CEACAM6: variants seen among roughly 807,000 people sequenced by gnomAD.
CEACAM6 encodes the protein cell adhesion molecule CEACAM6.
A neutral mutation model predicts 32.4 loss-of-function variants in CEACAM6; 21 were observed. The observed-to-expected ratio is 0.65, with a 90% CI of 0.46 to 0.93. The LOEUF (loss-of-function observed/expected upper bound fraction) is 0.93, where lower values mean the gene tolerates loss of function less well. CEACAM6 is among the 40% of genes least tolerant of loss of function. The pLI is 0.00. For synonymous variants in CEACAM6, 184 were observed against 174.4 expected (o/e 1.06, Z -0.43); for missense variants, 406 against 432.2 (o/e 0.94, Z 0.54).
chr19:41,756,644 A>G lies in CEACAM6; in HGVS notation c.109A>G (p.Thr37Ala). The G allele has an allele frequency of 1.2e-6, 2 of 1,613,834 alleles. No homozygotes were observed. The highest frequency in any genetic ancestry group is 4.5e-5 in the East Asian group (2 of 44,872). Reference protein sequence around the residue: ...FWNPPTTAKLTIESTPFNVAE... With the variant: ...FWNPPTTAKLAIESTPFNVAE... The stretch of plus-strand genomic sequence containing the variant: ...GAACCCACCCACCACTGCCAAGCTC[A>G]CTATTGAATCCACGCCGTTCAATGT... Residue 37 changes from threonine (T) to alanine (A), a missense_variant, in exon 2 of 6, where the codon ACT becomes GCT. By Grantham distance (58) the Thr-to-Ala change is moderately conservative (BLOSUM62 0). Coordinates refer to ENST00000199764, the MANE Select transcript of CEACAM6 (RefSeq NM_002483.7).
At chr19:41,768,246 G>A (rs2072968091) in intron 5 of CEACAM6, among the ~76,000 whole-genome samples, 1 of 152,180 alleles carries the variant, frequency 6.6e-6, no homozygotes, top group Non-Finnish European at 1.5e-5. Flanking sequence ...GGACCCTGCG[G>A]CCTTCCGCAG....
intron 4 of CEACAM6, among the ~76,000 whole-genome samples, chr19:41,765,913 T>C (rs2072952834): frequency 6.6e-6 from 1 of 152,190 alleles, no homozygotes; most frequent in South Asian, 2.1e-4. Flanking sequence ...TATAGAAAGT[T>C]CTAATGACAT....
Position 41,757,002 on chromosome 19 carries a change from TACTTCCC to T in CEACAM6, c.424+46_424+52del, listed in dbSNP as rs782595838. 5.8e-6 allele frequency: 9 copies of T among 1,562,498 alleles called. No homozygotes were observed. In the South Asian group the frequency reaches 9.8e-5, roughly 17 times the overall value. On this transcript the variant is annotated intron_variant, in intron 2 of 5. Transcript: ENST00000199764. Reference sequence around the variant, plus strand: ...ACCTCTGGGTGTTGGGGGTCAGTTCTACTTCCCACATACGGGATTGTCAGGCCTGGGT... The same window carrying T: ...ACCTCTGGGTGTTGGGGGTCAGTTCTACATACGGGATTGTCAGGCCTGGGT...
rs1210223569 is a variant in CEACAM6, at chr19:41,771,421, G to T, written c.*660G>T. ...TGCTCCCTACCAGCTGAACAGGGAG[G>T]AGTCTGTGCAGTTTCTGACACTTGT... On this transcript the variant is annotated 3_prime_UTR_variant, in exon 6 of 6. Transcript: ENST00000199764. 1 of 152,188 alleles carries T rather than the reference G, an allele frequency of 6.6e-6. No individual in the cohort carries two copies. Among genetic ancestry groups the T allele is most frequent in the African/African-American group, 2.4e-5 (1 of 41,434 alleles). The allele number at this position is 152,188 out of a possible 1,614,324, so 9.4% of individuals were successfully genotyped here.
At chr19:41,766,984 C>T (rs1555822451) in intron 5 of CEACAM6, among the ~76,000 whole-genome samples, 4 of 130,920 alleles carry the variant, frequency 3.1e-5, no homozygotes, top group South Asian at 2.4e-4. Context: ...CCAGCCTGGG[C>T]GACAGTGCAA....
intron 2 of CEACAM6, among the ~76,000 whole-genome samples, chr19:41,758,683 C>G (rs2072904299): frequency 6.6e-6 from 1 of 152,120 alleles, no homozygotes; most frequent in African/African-American, 2.4e-5. Flanking sequence ...CTCTCTGTCC[C>G]TCATTTTCCT....
At chr19:41,759,206 A>G (rs1460553803) in intron 2 of CEACAM6, among the ~76,000 whole-genome samples, 1 of 152,136 alleles carries the variant, frequency 6.6e-6, no homozygotes, top group Non-Finnish European at 1.5e-5. Flanking sequence ...CCCATTCCAC[A>G]TACACTACTG....
chr19:41,765,740 T>G (rs2072951872), intron 4 of CEACAM6, among the ~76,000 whole-genome samples: 1 of 152,194 alleles, frequency 6.6e-6, no homozygotes, highest in African/African-American at 2.4e-5. Context: ...TTTCCCCTGG[T>G]GGGAGCCCAT....
At chr19:41,761,878 G>A in intron 3 of CEACAM6, 91 bp from the exon 4 acceptor site, 1 of 1,490,952 alleles carries the variant, frequency 6.7e-7, no homozygotes, top group Non-Finnish European at 9.2e-7. Flanking sequence ...GTTGTGACAT[G>A]GCTCAGGGGG....
In CEACAM6 at chr19:41,756,960, G is replaced by T; in HGVS notation, c.424+1G>T. 1.3e-6 allele frequency: 2 copies of T among 1,595,722 alleles called. No homozygotes were observed. Among genetic ancestry groups the T allele is most frequent in the Non-Finnish European group, 1.7e-6 (2 of 1,169,196 alleles). On this transcript the variant is annotated splice_donor_variant, in intron 2 of 5. Coordinates refer to ENST00000199764, the MANE Select transcript of CEACAM6 (RefSeq NM_002483.7). LOFTEE classifies it high-confidence loss of function. Reference sequence around the variant, plus strand: ...GCAACCGGACAGTTCCATGTATACCGTGAGTATTTCCACATGACCTCTGGG... The same window carrying T: ...GCAACCGGACAGTTCCATGTATACCTTGAGTATTTCCACATGACCTCTGGG...
At chr19:41,763,007 AC>A (rs1242865332) in intron 4 of CEACAM6, among the ~76,000 whole-genome samples, 1 of 152,182 alleles carries the variant, frequency 6.6e-6, no homozygotes, top group Non-Finnish European at 1.5e-5. Context: ...ACACTTGGAG[AC>A]ATAGGGAGAT....
Position 41,771,966 on chromosome 19 carries a change from T to C in CEACAM6, c.*1205T>C, listed in dbSNP as rs1568730073. 6.6e-6 allele frequency: 1 copy of C among 151,752 alleles called. No homozygotes were observed. The highest frequency in any genetic ancestry group is 1.5e-5 in the Non-Finnish European group (1 of 67,938). 9.4% of individuals were successfully genotyped at this position (151,752 alleles called of 1,614,324 possible). A position where few individuals can be genotyped will look rare whatever the true frequency, so the allele number is the denominator to read the frequency against. On this transcript the variant is annotated 3_prime_UTR_variant, in exon 6 of 6. Transcript: ENST00000199764. ...TTAAAAAAAAAAAGAACACAGGAGATTCCAGTCTACTTGAGTTAGCATAAT... is the reference window on the plus strand; with the variant it reads ...TTAAAAAAAAAAAGAACACAGGAGACTCCAGTCTACTTGAGTTAGCATAAT...
chr19:41,768,359 T>G (rs2072969064), intron 5 of CEACAM6, among the ~76,000 whole-genome samples: 1 of 152,222 alleles, frequency 6.6e-6, no homozygotes, highest in South Asian at 2.1e-4. Context: ...GTACCGCCCT[T>G]AATCCATTTA....
intron 3 of CEACAM6, 125 bp downstream of exon 3, chr19:41,761,652 C>G: frequency 2.7e-6 from 4 of 1,496,664 alleles, no homozygotes; most frequent in South Asian, 1.3e-5. Flanking sequence ...CCATGACTTC[C>G]TGCCCTGAGC....
Position 41,762,096 on chromosome 19 carries a change from C to T in CEACAM6, c.831C>T (p.Phe277=). 2 of 1,614,162 alleles carry T rather than the reference C, an allele frequency of 1.2e-6. No homozygotes were observed. Among genetic ancestry groups the T allele is most frequent in the Non-Finnish European group, 1.7e-6 (2 of 1,180,026 alleles). ...ACTCTTGGTTTATCAATGGGACGTTCCAGCAATCCACACAAGAGCTCTTTA... is the reference window on the plus strand; with the variant it reads ...ACTCTTGGTTTATCAATGGGACGTTTCAGCAATCCACACAAGAGCTCTTTA... The part of the protein sequence containing the change: ...AQYSWFINGT[F]QQSTQELFIP... The change falls in exon 4 of 6, where the codon TTC becomes TTT. Residue 277 remains phenylalanine, a synonymous_variant. Transcript: ENST00000199764.
intron 5 of CEACAM6, among the ~76,000 whole-genome samples, chr19:41,766,555 T>C (rs1260505354): frequency 6.6e-6 from 1 of 152,226 alleles, no homozygotes; most frequent in Non-Finnish European, 1.5e-5. Context: ...AGCCTCTTCG[T>C]CCTTTTTCAA....
At chr19:41,763,453 C>A (rs781950891) in intron 4 of CEACAM6, among the ~76,000 whole-genome samples, 34 of 152,188 alleles carry the variant, frequency 2.2e-4, no homozygotes, top group Non-Finnish European at 3.4e-4. Context: ...CCTGCATGTT[C>A]CAGGTGAGTA....
intron 5 of CEACAM6, among the ~76,000 whole-genome samples, chr19:41,770,202 G>T (rs927309998): frequency 2.0e-5 from 3 of 147,790 alleles, no homozygotes; most frequent in African/African-American, 7.6e-5. Flanking sequence ...ATGAGATCAG[G>T]AGTTCAAGAC....
intron 2 of CEACAM6, among the ~76,000 whole-genome samples, chr19:41,759,037 G>A (rs971147062): frequency 3.3e-5 from 5 of 152,218 alleles, no homozygotes; most frequent in Admixed American, 2.0e-4. Flanking sequence ...CAGGCAGTCA[G>A]AGGCAGGATG....
Sources: allele counts gnomAD v4.1 joint callset (sites outside exome capture counted in the v4.1 genomes callset), GRCh38; gene constraint gnomAD v4.1.1; transcripts MANE v1.5; gene names NCBI Gene and HGNC (gene_info 2026-07-23, HGNC 2026-07-21).